The following ADAM22 variants were observed in gnomAD, a reference collection of about 807,000 sequenced individuals.
ADAM22 encodes the protein ADAM metallopeptidase domain 22.
A neutral mutation model predicts 144.6 loss-of-function variants in ADAM22; 65 were observed. The observed-to-expected ratio is 0.45, with a 90% CI of 0.37 to 0.55. The LOEUF is 0.55. Ranked by LOEUF, ADAM22 falls within the 20% of genes least tolerant of loss-of-function variation. The pLI, the probability that ADAM22 is intolerant of heterozygous loss-of-function variation, is 0.00. For missense variants in ADAM22, 974 were observed against 1,184.9 expected, an observed-to-expected ratio of 0.82 and a Z score of 2.61; for synonymous variants, 391 against 412.6, an observed-to-expected ratio of 0.95 and a Z score of 0.63.
intron 3 of ADAM22, among the ~76,000 whole-genome samples, chr7:88,051,245 T>A (rs1199246682): frequency 1.3e-5 from 2 of 152,200 alleles, no homozygotes; most frequent in South Asian, 4.1e-4. Flanking sequence ...TAAAGACACA[T>A]GCACATGTAT....
At chr7:88,111,424 A>G (rs1222168355) in intron 5 of ADAM22, among the ~76,000 whole-genome samples, 3 of 152,208 alleles carry the variant, frequency 2.0e-5, no homozygotes, top group Admixed American at 2.0e-4. Context: ...AAATAAGGGA[A>G]AATCAGATTC....
At position 88,199,918 on chromosome 7, in the gene ADAM22, AGTT is replaced by A. The variant is rs556568403; in HGVS notation, c.*3430_*3432del. On this transcript the variant is annotated 3_prime_UTR_variant, in exon 32 of 32. Transcript: ENST00000413139. ...GTAACATTAATAGGATTTCTAAAGA[AGTT>A]GTCAGAAAGACAAAATTGGATATTC... 9.8e-4 allele frequency: 150 copies of A among 152,370 alleles called. No individual in the cohort carries two copies. Among genetic ancestry groups the A allele is most frequent in the African/African-American group, 3.6e-3 (148 of 41,582 alleles). The allele number at this position is 152,370 out of a possible 1,614,324, so 9.4% of individuals were successfully genotyped here.
chr7:88,001,389 A>G (rs1310804074), intron 3 of ADAM22, among the ~76,000 whole-genome samples: 1 of 152,212 alleles, frequency 6.6e-6, no homozygotes, highest in East Asian at 1.9e-4. Context: ...GTGGAATTTT[A>G]CACTTGTAGT....
Position 88,075,636 on chromosome 7 carries a change from T to G in ADAM22, c.334T>G (p.Ser112Ala), listed in dbSNP as rs1256874901. ...TTTTTGTTGTTGCAGTGATTTGCTG[T>G]CCTCTGAATACATAGAGAGACACAT... ...LDVVLNHDLL[S>A]SEYIERHIEH... The change falls in exon 4 of 32, where the codon TCC becomes GCC. Residue 112 changes from serine (S) to alanine (A), a missense_variant. Transcript: ENST00000413139. 1 of 1,613,710 alleles carries G rather than the reference T, an allele frequency of 6.2e-7. No individual in the cohort carries two copies. Among genetic ancestry groups the G allele is most frequent in the South Asian group, 1.1e-5 (1 of 91,034 alleles).
Position 87,934,451 on chromosome 7 carries a change from G to A in ADAM22, c.-15G>A, listed in dbSNP as rs372487928. 620 of 1,581,526 alleles carry A rather than the reference G, an allele frequency of 3.9e-4. 2 individuals carry two copies. The African/African-American group carries it at 7.2e-3, about 18-fold the overall frequency. ...GAGCTGAGCGTCTCGGGCGAGGCGG[G>A]CTGACGGCAGCACCATGCAGGCGGC... On this transcript the variant is annotated 5_prime_UTR_variant, in exon 1 of 32. Coordinates refer to ENST00000413139, the MANE Select transcript of ADAM22 (RefSeq NM_001324418.2).
Position 88,052,993 on chromosome 7 carries a change from T to C in ADAM22, c.324-22633T>C, listed in dbSNP as rs993172607. On this transcript the variant is annotated intron_variant, in intron 3 of 31. Transcript: ENST00000413139. ...TGTATTTATTTTTTTGAAAATATTATATGGGTATAGGTACAGAATTTTAAA... is the reference window on the plus strand; with the variant it reads ...TGTATTTATTTTTTTGAAAATATTACATGGGTATAGGTACAGAATTTTAAA... Among the ~76,000 whole-genome samples, 12 of 152,346 alleles carry C rather than the reference T, an allele frequency of 7.9e-5. No individual in the cohort carries two copies. In the South Asian group the frequency reaches 1.0e-3, roughly 13 times the overall value.
At chr7:88,074,911 C>G (rs1203818874) in intron 3 of ADAM22, among the ~76,000 whole-genome samples, 2 of 152,006 alleles carry the variant, frequency 1.3e-5, no homozygotes, top group Admixed American at 6.6e-5. Context: ...TAGAGCAACA[C>G]TAGAAATTTA....
chr7:88,095,561 C>T (rs141472416), intron 4 of ADAM22, among the ~76,000 whole-genome samples: 15 of 152,182 alleles, frequency 9.9e-5, no homozygotes, highest in African/African-American at 2.6e-4. Context: ...TGATGGTAAG[C>T]GCATCCTCCA....
intron 2 of ADAM22, among the ~76,000 whole-genome samples, chr7:87,937,747 T>C (rs1194319712): frequency 6.6e-6 from 1 of 152,170 alleles, no homozygotes; most frequent in African/African-American, 2.4e-5. Context: ...GAATGACTGG[T>C]TTTTGGTGAA....
intron 3 of ADAM22, among the ~76,000 whole-genome samples, chr7:87,982,068 T>TATATACACACAC (rs1244517564): frequency 1.1e-5 from 1 of 93,744 alleles, no homozygotes; most frequent in African/African-American, 4.6e-5. Flanking sequence ...TATATATATA[T>TATATACACACAC]ACACACACAC....
intron 2 of ADAM22, among the ~76,000 whole-genome samples, chr7:87,970,376 C>T (rs1850153956): frequency 1.3e-5 from 2 of 152,210 alleles, no homozygotes; most frequent in East Asian, 3.9e-4. Context: ...AGTACTGTTA[C>T]ATGCATTAAC....
chr7:88,186,739 C>T, intron 30 of ADAM22, 38 bp downstream of exon 30: 1 of 1,264,756 alleles, frequency 7.9e-7, no homozygotes, highest in South Asian at 1.2e-5. Context: ...TTCTCAAACT[C>T]TCCCAGCACA....
chr7:88,159,409 G>A (rs1394538305), intron 22 of ADAM22, among the ~76,000 whole-genome samples: 2 of 152,034 alleles, frequency 1.3e-5, no homozygotes, highest in East Asian at 3.9e-4. Context: ...CATTCTATGA[G>A]GCCAGTATCA....
chr7:88,174,135 C>A (rs1845040883), intron 26 of ADAM22, among the ~76,000 whole-genome samples: 1 of 152,110 alleles, frequency 6.6e-6, no homozygotes, highest in South Asian at 2.1e-4. Context: ...GCAAGTAGTT[C>A]TGTGAGTGAA....
intron 9 of ADAM22, 62 bp downstream of exon 9, chr7:88,128,738 A>G: frequency 7.5e-7 from 1 of 1,333,598 alleles, no homozygotes; most frequent in Non-Finnish European, 1.1e-6. Flanking sequence ...GAGTGCAAAA[A>G]TATGTTTAGA....
chr7:88,083,263 T>G (rs1263350517), intron 4 of ADAM22, among the ~76,000 whole-genome samples: 1 of 151,868 alleles, frequency 6.6e-6, no homozygotes, highest in Non-Finnish European at 1.5e-5. Flanking sequence ...CCGCATGTTC[T>G]CACTCATAGG....
chr7:87,964,668 C>G (rs1848658310), intron 2 of ADAM22: 1 of 429,342 alleles, frequency 2.3e-6, no homozygotes, highest in South Asian at 1.7e-5. Context: ...TCCCAGAAGA[C>G]CATATACCAG....
intron 2 of ADAM22, among the ~76,000 whole-genome samples, chr7:87,944,931 G>C (rs766763241): frequency 1.4e-5 from 2 of 142,834 alleles, no homozygotes; most frequent in Non-Finnish European, 3.0e-5. Context: ...TTCTATATGT[G>C]TGTGTTTTTT....
chr7:87,938,207 A>ATTTTTTTT (rs59698275), intron 2 of ADAM22, among the ~76,000 whole-genome samples: 6 of 75,572 alleles, frequency 7.9e-5, no homozygotes, highest in African/African-American at 1.7e-4. Context: ...ATACCCATAG[A>ATTTTTTTT]TTTTTTTTTT....
Sources: gnomAD v4.1 joint callset for allele counts (sites outside exome capture counted in the v4.1 genomes callset) on GRCh38, gnomAD v4.1.1 for gene constraint, MANE v1.5 for transcripts, NCBI Gene and HGNC (gene_info 2026-07-23, HGNC 2026-07-21) for gene names.